The following MTRF1 variants were observed in gnomAD, a reference collection of about 807,000 sequenced individuals.
MTRF1 encodes peptide chain release factor 1, mitochondrial.
Under a neutral mutation model 62.9 loss-of-function variants are expected in MTRF1, and 51 were observed. That is an observed-to-expected ratio of 0.81 (90% confidence interval 0.65 to 1.02). The LOEUF is 1.02. Ranked by LOEUF, MTRF1 falls within the 50% of genes least tolerant of loss-of-function variation. The pLI, the probability that MTRF1 is intolerant of heterozygous loss-of-function variation, is 0.00. For missense variants in MTRF1, 446 were observed against 530.0 expected (o/e 0.84, Z 1.56); for synonymous variants, 158 against 181.9 (o/e 0.87, Z 1.06).
intron 7 of MTRF1, among the ~76,000 whole-genome samples, chr13:41,232,771 G>A (rs1273137410): frequency 2.6e-5 from 4 of 152,200 alleles, no homozygotes; most frequent in Non-Finnish European, 5.9e-5. Flanking sequence ...CAACCCCTGT[G>A]CAATGTCCTG....
chr13:41,300,683 T>C, the MTRF1 span, among the ~76,000 whole-genome samples: 1 of 152,144 alleles, frequency 6.6e-6, no homozygotes, highest in Admixed American at 6.5e-5. Flanking sequence ...GTGTTGGGAT[T>C]GTAGGCATGA....
At chr13:41,227,483 T>C (rs1370143716) in intron 7 of MTRF1, among the ~76,000 whole-genome samples, 1 of 152,154 alleles carries the variant, frequency 6.6e-6, no homozygotes, top group Non-Finnish European at 1.5e-5. Flanking sequence ...AAGTTTTGGC[T>C]AGCCAGCTTC....
At chr13:41,295,070 C>T in the MTRF1 span, among the ~76,000 whole-genome samples, 48 of 152,276 alleles carry the variant, frequency 3.2e-4, no homozygotes, top group African/African-American at 1.1e-3. Flanking sequence ...TTGCAGGTCA[C>T]ATGTGATTGC....
At chr13:41,254,277 T>C (rs1282124657) in intron 3 of MTRF1, among the ~76,000 whole-genome samples, 1 of 152,214 alleles carries the variant, frequency 6.6e-6, no homozygotes, top group East Asian at 1.9e-4. Flanking sequence ...CAGCACGTAT[T>C]CTCTTGCTTA....
the MTRF1 span, among the ~76,000 whole-genome samples, chr13:41,275,205 CTT>C: frequency 6.9e-6 from 1 of 145,832 alleles, no homozygotes. Flanking sequence ...ACTCCAATAA[CTT>C]TTTTTTTTTT....
chr13:41,286,748 A>G, the MTRF1 span, among the ~76,000 whole-genome samples: 1 of 152,226 alleles, frequency 6.6e-6, no homozygotes, highest in Non-Finnish European at 1.5e-5. Flanking sequence ...TCTGTTCGAA[A>G]TCTTAGCCAA....
intron 2 of MTRF1, chr13:41,257,702 G>C (rs965543839): frequency 1.7e-5 from 7 of 408,252 alleles, no homozygotes; most frequent in African/African-American, 1.2e-4. Context: ...GGAGGCTGAG[G>C]TTGGAGGATT....
chr13:41,287,965 G>A, the MTRF1 span: 69 of 405,336 alleles, frequency 1.7e-4, 1 homozygote, highest in East Asian at 1.3e-3. Flanking sequence ...ACAACATTAA[G>A]ATCAAGTTTA....
the MTRF1 span, among the ~76,000 whole-genome samples, chr13:41,291,019 G>C: frequency 1.3e-5 from 2 of 151,222 alleles, no homozygotes; most frequent in African/African-American, 4.9e-5. Context: ...TTGTTTGAAC[G>C]TGGGAGGCGG....
chr13:41,249,465 T>C (rs2038735346), intron 5 of MTRF1, among the ~76,000 whole-genome samples: 1 of 151,862 alleles, frequency 6.6e-6, no homozygotes, highest in Non-Finnish European at 1.5e-5. Flanking sequence ...GGTGTGAACC[T>C]GGGAGGCGGA....
chr13:41,292,255 C>T, the MTRF1 span, among the ~76,000 whole-genome samples: 1 of 152,010 alleles, frequency 6.6e-6, no homozygotes, highest in East Asian at 1.9e-4. Flanking sequence ...TTTTCTTATT[C>T]AATTCAGCCA....
At chr13:41,298,143 A>G in the MTRF1 span, among the ~76,000 whole-genome samples, 1 of 152,186 alleles carries the variant, frequency 6.6e-6, no homozygotes, top group Non-Finnish European at 1.5e-5. Context: ...GGAACTTATT[A>G]GGTTAGACAA....
the MTRF1 span, among the ~76,000 whole-genome samples, chr13:41,278,475 G>A: frequency 6.6e-6 from 1 of 152,212 alleles, no homozygotes. Flanking sequence ...AGAGGATGAA[G>A]TAAAGTTACA....
chr13:41,296,880 A>G, the MTRF1 span, among the ~76,000 whole-genome samples: 22 of 152,152 alleles, frequency 1.4e-4, no homozygotes, highest in African/African-American at 5.3e-4. Context: ...TTCCTGGTCA[A>G]TTGGAACTTT....
At chr13:41,311,465 C>A in the MTRF1 span, 1 of 1,515,894 alleles carries the variant, frequency 6.6e-7, no homozygotes, top group South Asian at 1.2e-5. Flanking sequence ...TGCCCACCCC[C>A]GCGAAGCGGA....
chr13:41,307,850 A>G, the MTRF1 span, among the ~76,000 whole-genome samples: 584 of 152,284 alleles, frequency 3.8e-3, 2 homozygotes, highest in African/African-American at 0.013. Context: ...ACTAATACAA[A>G]AGGTATGTGT....
the MTRF1 span, among the ~76,000 whole-genome samples, chr13:41,291,366 C>T: frequency 2.6e-5 from 4 of 152,002 alleles, no homozygotes; most frequent in Non-Finnish European, 2.9e-5. Context: ...TTAGAAGAGA[C>T]GGGGTTTTGC....
chr13:41,300,692 G>A, the MTRF1 span, among the ~76,000 whole-genome samples: 1 of 152,190 alleles, frequency 6.6e-6, no homozygotes, highest in South Asian at 2.1e-4. Flanking sequence ...TTGTAGGCAT[G>A]AGCCACTGCA....
chr13:41,258,559 C>T (rs2040009023), intron 2 of MTRF1, among the ~76,000 whole-genome samples: 1 of 118,394 alleles, frequency 8.4e-6, no homozygotes, highest in African/African-American at 3.3e-5. Flanking sequence ...GAGGGACCAT[C>T]TCTTAAAAAA....
Sources: allele counts gnomAD v4.1 joint callset (sites outside exome capture counted in the v4.1 genomes callset), GRCh38; gene constraint gnomAD v4.1.1; transcripts MANE v1.5; gene names NCBI Gene and HGNC (gene_info 2026-07-23, HGNC 2026-07-21).